MYH15: variants seen among roughly 807,000 people sequenced by gnomAD.
The protein encoded by MYH15 is myosin-15.
MYH15 carries 227 observed loss-of-function variants against 240.5 expected under a neutral mutation model. The observed-to-expected ratio is 0.94, with a 90% confidence interval of 0.85 to 1.05. MYH15 has a LOEUF of 1.05. Ranked by LOEUF, MYH15 falls within the 50% of genes least tolerant of loss-of-function variation. The pLI is 0.00. For synonymous variants in MYH15, 785 were observed against 796.7 expected, an observed-to-expected ratio of 0.99 and a Z score of 0.25; for missense variants, 2,217 against 2,247.5, an observed-to-expected ratio of 0.99 and a Z score of 0.27.
chr3:108,510,375 T>C, intron 1 of MYH15, 68 bp downstream of exon 1: 1 of 1,539,730 alleles, frequency 6.5e-7, no homozygotes, highest in Non-Finnish European at 8.7e-7. Context: ...TCTCTGTCAA[T>C]CAAATATCTT....
At chr3:108,505,962 T>G in intron 1 of MYH15, 133 bp from the exon 2 acceptor site, 1 of 541,920 alleles carries the variant, frequency 1.8e-6, no homozygotes. Context: ...ACTTGCAAAG[T>G]CAGATAAAAT....
rs755474705 is a variant in MYH15 at position 108,464,688 on chromosome 3, C to T, written c.1681G>A (p.Asp561Asn). 3 of 1,613,638 alleles carry T rather than the reference C, an allele frequency of 1.9e-6. No individual in the cohort carries two copies. The highest frequency in any genetic ancestry group is 2.7e-5 in the African/African-American group (2 of 75,016). ...AAATGAGCTTCAAATTTCTTCTTAT[C>T]AGGCTTGGGCTTCTGGAGATGAACC... is the stretch of plus-strand genomic sequence containing the variant. ...KSVHLQKPKP[D>N]KKKFEAHFEL... Residue 561 changes from aspartate to asparagine, a missense_variant, in exon 15 of 41, where the codon GAT (aspartate) becomes AAT (asparagine). Coordinates refer to ENST00000693548, the MANE Select transcript of MYH15 (RefSeq NM_014981.3).
intron 8 of MYH15, 96 bp downstream of exon 8, chr3:108,493,017 GA>G: frequency 1.5e-6 from 1 of 654,502 alleles, no homozygotes; most frequent in Non-Finnish European, 2.4e-6. Flanking sequence ...AAGAAAGAAA[GA>G]AGAAAAGGAA....
intron 9 of MYH15, among the ~76,000 whole-genome samples, chr3:108,492,221 C>CACACACACAT (rs2083354193): frequency 7.2e-6 from 1 of 139,452 alleles, no homozygotes; most frequent in South Asian, 2.2e-4. Flanking sequence ...CACACACACA[C>CACACACACAT]ACACACTCAC....
rs760672893 is a variant in MYH15 at position 108,476,398 on chromosome 3, TG to T, written c.1231del (p.Gln411ArgfsTer2). 3.5e-5 allele frequency: 54 copies of T among 1,533,142 alleles called. No individual in the cohort carries two copies. Among genetic ancestry groups the T allele is most frequent in the Non-Finnish European group, 4.5e-5 (50 of 1,106,780 alleles). The allele number at this position is 1,533,142 out of a possible 1,614,324, so 95.0% of individuals were successfully genotyped here. A position where few individuals can be genotyped will look rare whatever the true frequency, so the allele number is the denominator to read the frequency against. ...EYVTRGQTIE[Q>X]VTCAVGALSK... ...AATGCTCTTGAAATATCACCTTACC[TG>T]TTCTATAGTTTGACCTCTGGTAACA... On this transcript the variant is annotated frameshift_variant and splice_region_variant, in exon 12 of 41. Transcript: ENST00000693548. LOFTEE classifies it high-confidence loss of function.
rs9838958 is a variant in MYH15, at chr3:108,399,672, C to T, written c.4737-405G>A. Among the ~76,000 whole-genome samples, 900 of 152,238 alleles carry T rather than the reference C, an allele frequency of 5.9e-3. 6 individuals are homozygous for T. Among genetic ancestry groups the T allele is most frequent in the African/African-American group, 0.02 (848 of 41,548 alleles). On this transcript the variant is annotated intron_variant, in intron 33 of 40. Coordinates refer to ENST00000693548, the MANE Select transcript of MYH15 (RefSeq NM_014981.3). ...ACAGCCGTAATATTTCAACTACTTTCAATGATGAAAAATGTCTGAACAAGG... is the reference window on the plus strand; with the variant it reads ...ACAGCCGTAATATTTCAACTACTTTTAATGATGAAAAATGTCTGAACAAGG...
intron 35 of MYH15, among the ~76,000 whole-genome samples, chr3:108,397,524 T>C (rs1409341470): frequency 6.6e-6 from 1 of 152,242 alleles, no homozygotes; most frequent in East Asian, 1.9e-4. Flanking sequence ...ATCTTCATTT[T>C]TTTAGGACAG....
At chr3:108,518,577 C>T (rs1576280364) in intron 1 of MYH15, among the ~76,000 whole-genome samples, 1 of 152,186 alleles carries the variant, frequency 6.6e-6, no homozygotes, top group East Asian at 1.9e-4. Context: ...AGCTCTCCAT[C>T]CTCTTGCTTG....
chr3:108,393,971 T>C lies in MYH15; in HGVS notation c.5259+60A>G, dbSNP rs2082439815. 9 of 1,609,918 alleles carry C rather than the reference T, an allele frequency of 5.6e-6. No homozygotes were observed. The Admixed American group carries it at 1.0e-4, about 18-fold the overall frequency. On this transcript the variant is annotated intron_variant, in intron 36 of 40. Transcript: ENST00000693548. ...TTGGCTGCAGATGTGGCCCTGCCCC[T>C]TGGCCACTGCGCCAGTGAACTCTGG...
rs1560402094 is a variant in MYH15, at chr3:108,470,731, G to A, written c.1350C>T (p.Gly450=). The change falls in exon 13 of 41, where the codon GGC becomes GGT. Residue 450 remains glycine, a synonymous_variant. Coordinates refer to ENST00000693548, the MANE Select transcript of MYH15 (RefSeq NM_014981.3). The part of the protein sequence containing the change: ...DAKLSRQFFI[G]ILDITGFEIL... Reference sequence around the variant, plus strand: ...TTTCAAAACCAGTGATGTCAAGAATGCCAATGAAGAACTGCCTTGACAGCT... The same window carrying A: ...TTTCAAAACCAGTGATGTCAAGAATACCAATGAAGAACTGCCTTGACAGCT... The A allele has an allele frequency of 1.2e-6, 2 of 1,613,724 alleles. No homozygotes were observed. Among genetic ancestry groups the A allele is most frequent in the Admixed American group, 1.7e-5 (1 of 59,984 alleles).
chr3:108,408,549 C>G (rs544115837), intron 31 of MYH15, 145 bp from the exon 32 acceptor site: 1 of 704,944 alleles, frequency 1.4e-6, no homozygotes, highest in Admixed American at 3.6e-5. Context: ...TATATGGGAC[C>G]GAGAAATTTT....
chr3:108,440,570 A>AT (rs2082876709), intron 23 of MYH15, among the ~76,000 whole-genome samples: 1 of 152,108 alleles, frequency 6.6e-6, no homozygotes, highest in Admixed American at 6.6e-5. Flanking sequence ...AAAACAAAAC[A>AT]TGAAAGCCCT....
Position 108,381,547 on chromosome 3 carries a change from ATTC to A in MYH15, c.5776_5778del (p.Glu1926del), listed in dbSNP as rs778983814. On this transcript the variant is annotated inframe_deletion, in exon 41 of 41. Transcript: ENST00000693548. ...TTGTCCTTTCAAAGCAGGGGATGCT[ATTC>A]TTCTTGAACCTGAAAAACAGAATGT... 4.3e-6 allele frequency: 7 copies of A among 1,613,878 alleles called. No individual in the cohort carries two copies. Among genetic ancestry groups the A allele is most frequent in the Admixed American group, 1.7e-5 (1 of 60,010 alleles).
chr3:108,418,771 T>TTA (rs1469054235), intron 28 of MYH15, among the ~76,000 whole-genome samples: 5 of 120,018 alleles, frequency 4.2e-5, no homozygotes, highest in African/African-American at 1.6e-4. Flanking sequence ...TGTTGTTGTT[T>TTA]TGTTTTTTGA....
At chr3:108,510,312 A>G (rs1231900204) in intron 1 of MYH15, 131 bp downstream of exon 1, 7 of 1,215,466 alleles carry the variant, frequency 5.8e-6, no homozygotes, top group Non-Finnish European at 7.9e-6. Context: ...TCAGTTTCCT[A>G]GAGGCTGATC....
At position 108,398,647 on chromosome 3, in the gene MYH15, A is replaced by G; in HGVS notation, c.5123T>C (p.Phe1708Ser). The G allele has an allele frequency of 6.2e-7, 1 of 1,613,032 alleles. No homozygotes were observed. The highest frequency in any genetic ancestry group is 8.5e-7 in the Non-Finnish European group (1 of 1,180,026). ...GTATATGGGCCCCACCTGGGTATAG[A>G]AAAGATTGATTCTTTCTGTTGCTTC... ...LLEATERINL[F>S]YTQNTSLLSQ... The change falls in exon 35 of 41, where the codon TTC (phenylalanine) becomes TCC (serine). Residue 1708 changes from phenylalanine (F) to serine (S), a missense_variant. Physicochemically the swap from Phe to Ser is radical, Grantham distance 155. Coordinates refer to ENST00000693548, the MANE Select transcript of MYH15 (RefSeq NM_014981.3).
intron 2 of MYH15, among the ~76,000 whole-genome samples, chr3:108,505,121 A>G (rs762248820): frequency 6.6e-6 from 1 of 152,142 alleles, no homozygotes; most frequent in African/African-American, 2.4e-5. Flanking sequence ...CCCACAGGAT[A>G]CCTTTTTTTA....
At chr3:108,539,024 A>G in the MYH15 span, among the ~76,000 whole-genome samples, 3 of 152,160 alleles carry the variant, frequency 2.0e-5, no homozygotes, top group African/African-American at 4.8e-5. Context: ...ACACTAATCC[A>G]TTCATGAAGG....
chr3:108,486,738 G>A (rs1440308670), intron 9 of MYH15, among the ~76,000 whole-genome samples: 2 of 152,012 alleles, frequency 1.3e-5, no homozygotes, highest in Non-Finnish European at 2.9e-5. Context: ...AGAGAAGACA[G>A]GCTGGCAAAT....
Sources: gnomAD v4.1 joint callset for allele counts (sites outside exome capture counted in the v4.1 genomes callset) on GRCh38, gnomAD v4.1.1 for gene constraint, MANE v1.5 for transcripts, NCBI Gene and HGNC (gene_info 2026-07-23, HGNC 2026-07-21) for gene names.